Variants in HIVEP3 observed in about 807,000 individuals in gnomAD.
HIVEP3 encodes transcription factor HIVEP3.
In HIVEP3, 49 loss-of-function variants were observed where a neutral mutation model predicts 152.8. The observed-to-expected ratio is 0.32, with a 90% CI of 0.26 to 0.41. HIVEP3 has a LOEUF of 0.41. Ranked by LOEUF, HIVEP3 falls within the 10% of genes least tolerant of loss-of-function variation. HIVEP3 has a pLI of 1.00. For missense variants in HIVEP3, 2,790 were observed against 3,103.3 expected, an observed-to-expected ratio of 0.90 and a Z score of 2.40; for synonymous variants, 1,269 against 1,289.0, an observed-to-expected ratio of 0.98 and a Z score of 0.33.
rs10530354 is a variant in HIVEP3, at chr1:41,665,707, T to TACACACACACACACACACACACACACAC, written c.-721+35181_-721+35208dup. Among the ~76,000 whole-genome samples the TACACACACACACACACACACACACACAC allele has an allele frequency of 2.6e-3, 333 of 128,004 alleles. 9 individuals carry two copies. The highest frequency in any genetic ancestry group is 7.8e-3 in the Middle Eastern group (2 of 256). 84.0% of individuals were successfully genotyped at this position (128,004 alleles called of 152,430 possible). On this transcript the variant is annotated intron_variant, in intron 2 of 8. Coordinates refer to ENST00000372583, the MANE Select transcript of HIVEP3 (RefSeq NM_024503.5). Reference sequence around the variant, plus strand: ...AATGCTTGTTTCCACGGAAATGTTATACACACACACACACACACACACACA... The same window carrying TACACACACACACACACACACACACACAC: ...AATGCTTGTTTCCACGGAAATGTTATACACACACACACACACACACACACACACACACACACACACACACACACACACA...
rs570678175 is a variant in HIVEP3, at chr1:41,607,800, T to G, written c.-522+20949A>C. ...GACGAGACAGTTTATTTCTGTCTTATGTGCAATCTGAGTTTAAGTGGCCAT... is the reference window on the plus strand; with the variant it reads ...GACGAGACAGTTTATTTCTGTCTTAGGTGCAATCTGAGTTTAAGTGGCCAT... On this transcript the variant is annotated intron_variant, in intron 3 of 8. Coordinates refer to ENST00000372583, the MANE Select transcript of HIVEP3 (RefSeq NM_024503.5). Among the ~76,000 whole-genome samples, 12 of 152,368 alleles carry G rather than the reference T, an allele frequency of 7.9e-5. No individual in the cohort carries two copies. The East Asian group carries it at 1.5e-3, about 20-fold the overall frequency.
chr1:41,643,640 T>C (rs11210509), intron 2 of HIVEP3, among the ~76,000 whole-genome samples: 85,281 of 152,046 alleles, frequency 0.56, 24,209 homozygotes, highest in African/African-American at 0.61. Context: ...GACATCCCTC[T>C]GTCTGTGCTG....
intron 1 of HIVEP3, among the ~76,000 whole-genome samples, chr1:42,010,645 C>T (rs4598479): frequency 0.23 from 35,166 of 152,110 alleles, 4,561 homozygotes; most frequent in African/African-American, 0.35. Flanking sequence ...TTTTTATCTG[C>T]TGGGTCTACA....
chr1:41,768,391 G>C (rs973467445), intron 1 of HIVEP3, among the ~76,000 whole-genome samples: 1 of 152,174 alleles, frequency 6.6e-6, no homozygotes, highest in Non-Finnish European at 1.5e-5. Flanking sequence ...CTCCCACCAG[G>C]TTCCTCCCAT....
rs1252084537 is a variant in HIVEP3, at chr1:41,513,148, G to A, written c.6073C>T (p.Pro2025Ser). The A allele has an allele frequency of 1.2e-6, 2 of 1,613,890 alleles. No homozygotes were observed. Among genetic ancestry groups the A allele is most frequent in the Admixed American group, 3.3e-5 (2 of 60,028 alleles). Reference protein sequence around the residue: ...VDPGRGMGALPCGSPRLQLSP... With the variant: ...VDPGRGMGALSCGSPRLQLSP... ...AGCTGAAGTCTTGGAGACCCACAAG[G>A]GAGAGCGCCCATGCCCCTTCCTGGG... is the stretch of plus-strand genomic sequence containing the variant. The change falls in exon 8 of 9, where the codon CCT (proline) becomes TCT (serine). Residue 2025 changes from proline to serine, a missense_variant. Pro to Ser is a moderately conservative substitution (Grantham distance 74). Transcript: ENST00000372583.
chr1:41,985,069 T>C (rs954641724), intron 1 of HIVEP3, among the ~76,000 whole-genome samples: 1 of 151,984 alleles, frequency 6.6e-6, no homozygotes, highest in Non-Finnish European at 1.5e-5. Flanking sequence ...GATTGATTGA[T>C]TTTTCCAAGG....
chr1:41,758,085 A>G (rs1176208763), intron 1 of HIVEP3, among the ~76,000 whole-genome samples: 1 of 152,160 alleles, frequency 6.6e-6, no homozygotes, highest in African/African-American at 2.4e-5. Context: ...ATCACAAACA[A>G]AGTGGAGAAT....
At chr1:41,691,476 G>A (rs1212363620) in intron 2 of HIVEP3, among the ~76,000 whole-genome samples, 1 of 152,190 alleles carries the variant, frequency 6.6e-6, no homozygotes, top group Non-Finnish European at 1.5e-5. Flanking sequence ...TGGGGCCTTT[G>A]GGAGGTGATT....
chr1:41,659,283 C>T (rs895764153), intron 2 of HIVEP3, among the ~76,000 whole-genome samples: 1 of 152,224 alleles, frequency 6.6e-6, no homozygotes, highest in East Asian at 1.9e-4. Context: ...TCAGAGAACT[C>T]TCTGGGCCCC....
chr1:41,905,096 AG>A (rs1386201833), intron 1 of HIVEP3, among the ~76,000 whole-genome samples: 1 of 152,204 alleles, frequency 6.6e-6, no homozygotes, highest in Non-Finnish European at 1.5e-5. Flanking sequence ...TTAAGAGTGT[AG>A]GTGGGGCCTC....
At position 41,581,623 on chromosome 1, in the gene HIVEP3, A is replaced by G. The variant is rs1452014227; in HGVS notation, c.3175T>C (p.Leu1059=). ...TGTCTTCCCTTGGGGGCAACCTCCAACTCAGATTCTGGAGGCCTGCTCAGA... is the reference window on the plus strand; with the variant it reads ...TGTCTTCCCTTGGGGGCAACCTCCAGCTCAGATTCTGGAGGCCTGCTCAGA... ...ASLSRPPESE[L]EVAPKGRQES... is the part of the protein sequence containing the mutation. The change falls in exon 4 of 9, where the codon TTG becomes CTG. Residue 1059 remains leucine (L), a synonymous_variant. Coordinates refer to ENST00000372583, the MANE Select transcript of HIVEP3 (RefSeq NM_024503.5). The surrounding 1 kb of genome is among the most constrained non-coding windows in gnomAD (Gnocchi z 4.5). 1.2e-6 allele frequency: 2 copies of G among 1,614,088 alleles called. No individual in the cohort carries two copies. The highest frequency in any genetic ancestry group is 1.7e-6 in the Non-Finnish European group (2 of 1,180,004).
At chr1:41,800,682 G>C (rs920370687) in intron 1 of HIVEP3, among the ~76,000 whole-genome samples, 1 of 152,222 alleles carries the variant, frequency 6.6e-6, no homozygotes, top group Non-Finnish European at 1.5e-5. Context: ...AAGCCAGCAG[G>C]GAACTCAAAT....
At chr1:41,633,326 C>T (rs909079684) in intron 2 of HIVEP3, among the ~76,000 whole-genome samples, 4 of 152,118 alleles carry the variant, frequency 2.6e-5, no homozygotes, top group South Asian at 2.1e-4. Flanking sequence ...CTAATCAGAG[C>T]GAAGCTAGCC....
chr1:41,815,006 GAGAC>G (rs1294372116), intron 1 of HIVEP3, among the ~76,000 whole-genome samples: 3 of 152,238 alleles, frequency 2.0e-5, no homozygotes, highest in Admixed American at 2.0e-4. Flanking sequence ...TCTAGCAGAG[GAGAC>G]AGACAGTAAA....
intron 1 of HIVEP3, among the ~76,000 whole-genome samples, chr1:41,993,705 G>A (rs1217900401): frequency 1.3e-5 from 2 of 151,468 alleles, no homozygotes; most frequent in Non-Finnish European, 3.0e-5. Context: ...GCACACATAT[G>A]TTTATTGCGG....
chr1:41,539,639 A>G (rs768807136), intron 5 of HIVEP3, among the ~76,000 whole-genome samples: 8 of 152,196 alleles, frequency 5.3e-5, no homozygotes, highest in Non-Finnish European at 8.8e-5. Flanking sequence ...CACACCACAC[A>G]AATGGCCAGA....
chr1:41,929,726 T>TATATA (rs1553135852), intron 1 of HIVEP3, among the ~76,000 whole-genome samples: 5,051 of 112,700 alleles, frequency 0.045, 466 homozygotes, highest in East Asian at 0.24. Flanking sequence ...ATATGTGTTT[T>TATATA]TATATATATA....
At position 41,664,691 on chromosome 1, in the gene HIVEP3, C is replaced by T. The variant is rs1456993897; in HGVS notation, c.-720-35744G>A. On this transcript the variant is annotated intron_variant, in intron 2 of 8. Transcript: ENST00000372583. This position sits in a 1 kb window ranked among gnomAD's most constrained non-coding sequence, Gnocchi z 4.4. ...AGAGGACGGGGGAGAATTTACCCAA[C>T]CCAGAACAGTGGCTGATGTCCTAGG... Among the ~76,000 whole-genome samples, 1 of 152,202 alleles carries T rather than the reference C, an allele frequency of 6.6e-6. No homozygotes were observed.
intron 3 of HIVEP3, among the ~76,000 whole-genome samples, chr1:41,590,080 A>C (rs1335628569): frequency 6.6e-6 from 1 of 152,192 alleles, no homozygotes; most frequent in Non-Finnish European, 1.5e-5. Context: ...TGTGTGTTTA[A>C]GCTGGAGCAG....
Sources: gnomAD v4.1 joint callset for allele counts (sites outside exome capture counted in the v4.1 genomes callset) on GRCh38, gnomAD v4.1.1 for gene constraint, Gnocchi (gnomAD v3.1) non-coding constraint, MANE v1.5 for transcripts, NCBI Gene and HGNC (gene_info 2026-07-23, HGNC 2026-07-21) for gene names.